The following SLCO3A1 variants were observed in gnomAD, a reference collection of about 807,000 sequenced individuals.
SLCO3A1 encodes the protein solute carrier organic anion transporter family member 3A1, also known as PGE1 transporter.
Under a neutral mutation model 63.1 loss-of-function variants are expected in SLCO3A1, and 27 were observed. The ratio of observed to expected loss-of-function variants is 0.43; its 90% CI spans 0.32 to 0.59. The LOEUF is 0.59. SLCO3A1 is among the 20% of genes least tolerant of loss of function. SLCO3A1 has a pLI of 0.09. For missense variants in SLCO3A1, 773 were observed against 945.8 expected, an observed-to-expected ratio of 0.82 and a Z score of 2.40; for synonymous variants, 473 against 409.9, an observed-to-expected ratio of 1.15 and a Z score of -1.86.
intron 2 of SLCO3A1, among the ~76,000 whole-genome samples, chr15:91,931,817 A>ACACACT (rs1899245489): frequency 3.3e-5 from 5 of 151,710 alleles, no homozygotes; most frequent in Non-Finnish European, 2.9e-5. Flanking sequence ...ACACACACAC[A>ACACACT]CACACTCACA....
chr15:92,142,137 C>G (rs564214899), intron 7 of SLCO3A1, among the ~76,000 whole-genome samples: 1 of 152,210 alleles, frequency 6.6e-6, no homozygotes, highest in South Asian at 2.1e-4. Flanking sequence ...CCATTTCCAG[C>G]TTTTCCTCTT....
rs1897700486 is a variant in SLCO3A1 at position 91,885,503 on chromosome 15, G to A, written c.181-30490G>A. Among the ~76,000 whole-genome samples, 1 of 152,228 alleles carries A rather than the reference G, an allele frequency of 6.6e-6. No homozygotes were observed. The highest frequency in any genetic ancestry group is 1.5e-5 in the Non-Finnish European group (1 of 68,046). Reference sequence around the variant, plus strand: ...AGCATGTCACAAATCATACATTACAGGAAAAGGGAGCCCTTTGCTGCTGGG... The same window carrying A: ...AGCATGTCACAAATCATACATTACAAGAAAAGGGAGCCCTTTGCTGCTGGG... On this transcript the variant is annotated intron_variant, in intron 1 of 9. Transcript: ENST00000318445. The surrounding 1 kb of genome is among the most constrained non-coding windows in gnomAD (Gnocchi z 4.7).
intron 2 of SLCO3A1, among the ~76,000 whole-genome samples, chr15:92,087,755 G>A (rs2047424239): frequency 6.6e-6 from 1 of 152,080 alleles, no homozygotes; most frequent in South Asian, 2.1e-4. Context: ...CCAACCTCAG[G>A]TGATCTGCCT....
At chr15:92,021,007 G>A (rs990335732) in intron 2 of SLCO3A1, among the ~76,000 whole-genome samples, 2 of 152,314 alleles carry the variant, frequency 1.3e-5, no homozygotes, top group African/African-American at 2.4e-5. Flanking sequence ...GCCTAATGAG[G>A]AGATGCTGAT....
Position 92,033,443 on chromosome 15 carries a change from G to T in SLCO3A1, c.647-61438G>T, listed in dbSNP as rs944734233. 6.6e-6 allele frequency among the ~76,000 whole-genome samples: 1 copy of T among 152,176 alleles called. No individual in the cohort carries two copies. Among genetic ancestry groups the T allele is most frequent in the Non-Finnish European group, 1.5e-5 (1 of 68,032 alleles). On this transcript the variant is annotated intron_variant, in intron 2 of 9. Coordinates refer to ENST00000318445, the MANE Select transcript of SLCO3A1 (RefSeq NM_013272.4). The surrounding 1 kb of genome is among the most constrained non-coding windows in gnomAD (Gnocchi z 4.5). The stretch of plus-strand genomic sequence containing the variant: ...TAACGATGTTCACGCTTGGGCAGCT[G>T]GATGGACACGTCGTGGAGTGAAAAC...
At chr15:91,996,135 G>T (rs946763203) in intron 2 of SLCO3A1, among the ~76,000 whole-genome samples, 14 of 152,106 alleles carry the variant, frequency 9.2e-5, no homozygotes, top group Non-Finnish European at 1.9e-4. Flanking sequence ...AAAACTATCA[G>T]TATTCAGATT....
At chr15:92,154,883 TAATAAATAATGGA>T (rs2048352561) in intron 9 of SLCO3A1, among the ~76,000 whole-genome samples, 1 of 152,086 alleles carries the variant, frequency 6.6e-6, no homozygotes, top group African/African-American at 2.4e-5. Context: ...AAACTAGTTG[TAATAAATAATGGA>T]AAAAGAACTG....
chr15:92,093,860 C>T (rs1278476462), intron 2 of SLCO3A1, among the ~76,000 whole-genome samples: 1 of 151,992 alleles, frequency 6.6e-6, no homozygotes, highest in African/African-American at 2.4e-5. Context: ...GGCTTAGGTT[C>T]CCAGCAAGTG....
At position 92,164,344 on chromosome 15, in the gene SLCO3A1, T is replaced by TA; in HGVS notation, c.*1210dup. The TA allele has an allele frequency of 1.0e-6, 1 of 985,342 alleles. No individual in the cohort carries two copies. The highest frequency in any genetic ancestry group is 1.2e-6 in the Non-Finnish European group (1 of 829,838). The allele number at this position is 985,342 out of a possible 1,614,324, so 61.0% of individuals were successfully genotyped here. The stretch of plus-strand genomic sequence containing the variant: ...AAAAATGCTTCAAAAAGAGAGTGTA[T>TA]ATGCAGCCTGCCTTTAAAAGAATCA... On this transcript the variant is annotated 3_prime_UTR_variant, in exon 10 of 10. Coordinates refer to ENST00000318445, the MANE Select transcript of SLCO3A1 (RefSeq NM_013272.4).
chr15:91,949,493 G>A (rs1454102014), intron 2 of SLCO3A1, among the ~76,000 whole-genome samples: 1 of 152,032 alleles, frequency 6.6e-6, no homozygotes, highest in South Asian at 2.1e-4. Flanking sequence ...AGCCAAGCGT[G>A]GTGGTATGTA....
chr15:92,019,987 C>T (rs1406749156), intron 2 of SLCO3A1, among the ~76,000 whole-genome samples: 8 of 152,102 alleles, frequency 5.3e-5, no homozygotes, highest in East Asian at 1.9e-4. Context: ...GTGGGGGAAG[C>T]GACATGGATA....
intron 1 of SLCO3A1, among the ~76,000 whole-genome samples, chr15:91,881,599 G>A (rs768550875): frequency 1.3e-4 from 20 of 151,708 alleles, no homozygotes; most frequent in Non-Finnish European, 2.4e-4. Flanking sequence ...AGGGTTTTTA[G>A]CCTTGAGATG....
In SLCO3A1 at chr15:91,942,666, C is replaced by T. The variant is rs182111006; in HGVS notation, c.646+26208C>T. 1.3e-5 allele frequency among the ~76,000 whole-genome samples: 2 copies of T among 152,316 alleles called. No individual in the cohort carries two copies. Among genetic ancestry groups the T allele is most frequent in the East Asian group, 3.9e-4 (2 of 5,172 alleles). On this transcript the variant is annotated intron_variant, in intron 2 of 9. Transcript: ENST00000318445. This position sits in a 1 kb window ranked among gnomAD's most constrained non-coding sequence, Gnocchi z 4.1. ...TGGCCCAATCTCAGCTCACTGCAAC[C>T]TCCACCTCCTGGGTGAAGGTAATTC...
chr15:92,170,698 T>A (rs940812093), downstream of SLCO3A1, among the ~76,000 whole-genome samples: 37 of 152,252 alleles, frequency 2.4e-4, no homozygotes, highest in African/African-American at 8.9e-4. Context: ...GAGTTGGAGG[T>A]GAGAATCTCT....
chr15:91,874,473 A>G (rs1242181561), intron 1 of SLCO3A1, among the ~76,000 whole-genome samples: 1 of 151,738 alleles, frequency 6.6e-6, no homozygotes, highest in Non-Finnish European at 1.5e-5. Flanking sequence ...GATTCTGACT[A>G]CCCTAGGGCC....
rs534004132 is a variant in SLCO3A1, at chr15:92,159,627, C to T, written c.1754-3129C>T. ...TGTCTCCTAGCCTGGAATGCAGTGGCGTGATCATGGCTCACTGCAGCCTGG... is the reference window on the plus strand; with the variant it reads ...TGTCTCCTAGCCTGGAATGCAGTGGTGTGATCATGGCTCACTGCAGCCTGG... On this transcript the variant is annotated intron_variant, in intron 9 of 9. Coordinates refer to ENST00000318445, the MANE Select transcript of SLCO3A1 (RefSeq NM_013272.4). 9.9e-5 allele frequency among the ~76,000 whole-genome samples: 14 copies of T among 141,984 alleles called. No homozygotes were observed. The Middle Eastern group carries it at 0.016, about 166-fold the overall frequency. The allele number at this position is 141,984 out of a possible 152,430, so 93.1% of individuals were successfully genotyped here. A position where few individuals can be genotyped will look rare whatever the true frequency, so the allele number is the denominator to read the frequency against.
At chr15:91,867,932 C>T (rs529900425) in intron 1 of SLCO3A1, among the ~76,000 whole-genome samples, 6 of 152,348 alleles carry the variant, frequency 3.9e-5, no homozygotes, top group East Asian at 1.9e-4. Context: ...AGCCTGTGGC[C>T]GGCCGATCCA....
intron 4 of SLCO3A1, among the ~76,000 whole-genome samples, chr15:92,109,898 T>C (rs1266416632): frequency 6.6e-6 from 1 of 152,066 alleles, no homozygotes; most frequent in Non-Finnish European, 1.5e-5. Flanking sequence ...TGAGTGATGT[T>C]AAACCAGGTA....
rs1235947225 is a variant in SLCO3A1 at position 91,859,514 on chromosome 15, A to T, written c.180+5426A>T. Among the ~76,000 whole-genome samples the T allele has an allele frequency of 4.6e-5, 7 of 152,270 alleles. No individual in the cohort carries two copies. Among genetic ancestry groups the T allele is most frequent in the African/African-American group, 1.4e-4 (6 of 41,478 alleles). ...TTAAAACTCCAAGTTAAATGATTAC[A>T]GTTCCAAGGTGGAGAAAGGCAAGTG... On this transcript the variant is annotated intron_variant, in intron 1 of 9. Transcript: ENST00000318445. This position sits in a 1 kb window ranked among gnomAD's most constrained non-coding sequence, Gnocchi z 5.1.
Sources: allele counts gnomAD v4.1 joint callset (sites outside exome capture counted in the v4.1 genomes callset), GRCh38; gene constraint gnomAD v4.1.1; non-coding constraint Gnocchi (gnomAD v3.1); transcripts MANE v1.5; gene names NCBI Gene and HGNC (gene_info 2026-07-23, HGNC 2026-07-21).